The following PTPRD variants were observed in gnomAD, a reference collection of about 807,000 sequenced individuals.
PTPRD encodes protein tyrosine phosphatase receptor type D.
Under a neutral mutation model 214.5 loss-of-function variants are expected in PTPRD, and 34 were observed. The ratio of observed to expected loss-of-function variants is 0.16; its 90% CI spans 0.12 to 0.21. The LOEUF (loss-of-function observed/expected upper bound fraction) is 0.21. PTPRD is among the 10% of genes least tolerant of loss of function. The pLI is 1.00. For synonymous variants in PTPRD, 1,128 were observed against 845.7 expected, an observed-to-expected ratio of 1.33 and a Z score of -5.79; for missense variants, 2,545 against 2,398.7, an observed-to-expected ratio of 1.06 and a Z score of -1.27.
intron 44 of PTPRD, among the ~76,000 whole-genome samples, chr9:8,322,339 G>A (rs974639614): frequency 5.3e-5 from 8 of 152,214 alleles, no homozygotes; most frequent in African/African-American, 9.6e-5. Flanking sequence ...TAGGCCTCTC[G>A]CACCAAACAG....
At chr9:9,538,723 G>T (rs1351660606) in intron 8 of PTPRD, among the ~76,000 whole-genome samples, 1 of 151,832 alleles carries the variant, frequency 6.6e-6, no homozygotes, top group Non-Finnish European at 1.5e-5. Context: ...ATACGTCAAT[G>T]AATAGTTACC....
chr9:10,034,748 G>A (rs926572821), intron 3 of PTPRD, among the ~76,000 whole-genome samples: 4 of 152,074 alleles, frequency 2.6e-5, no homozygotes, highest in Non-Finnish European at 4.4e-5. Flanking sequence ...GTCCTGCACA[G>A]GAAATGATTT....
At chr9:10,038,680 T>C (rs2097236454) in intron 3 of PTPRD, among the ~76,000 whole-genome samples, 2 of 152,122 alleles carry the variant, frequency 1.3e-5, no homozygotes, top group East Asian at 3.9e-4. Flanking sequence ...ACTTCAACAT[T>C]ACACCTTGAA....
intron 8 of PTPRD, among the ~76,000 whole-genome samples, chr9:9,497,870 T>G (rs940889062): frequency 6.6e-6 from 1 of 152,162 alleles, no homozygotes; most frequent in Non-Finnish European, 1.5e-5. Flanking sequence ...AAATATTGAC[T>G]TCGATCTTCA....
chr9:9,591,915 C>T (rs184535327), intron 7 of PTPRD, among the ~76,000 whole-genome samples: 21 of 152,116 alleles, frequency 1.4e-4, no homozygotes, highest in Admixed American at 3.9e-4. Context: ...CTTATTCCTG[C>T]TATCTAATTG....
At chr9:9,808,950 A>ATTT (rs59065058) in intron 5 of PTPRD, among the ~76,000 whole-genome samples, 15 of 142,330 alleles carry the variant, frequency 1.1e-4, no homozygotes, top group African/African-American at 2.8e-4. Context: ...TTTATTTTGT[A>ATTT]TTTTTTTTTT....
At chr9:9,838,721 G>T (rs966262241) in intron 5 of PTPRD, among the ~76,000 whole-genome samples, 3 of 152,062 alleles carry the variant, frequency 2.0e-5, no homozygotes, top group African/African-American at 7.2e-5. Context: ...TAGGTTGCCT[G>T]TTCACTCTGA....
intron 4 of PTPRD, among the ~76,000 whole-genome samples, chr9:9,966,474 C>T (rs1163962415): frequency 6.6e-6 from 1 of 152,066 alleles, no homozygotes; most frequent in Non-Finnish European, 1.5e-5. Flanking sequence ...CATTGTAGAG[C>T]TAAGGGGTTT....
At chr9:8,412,769 C>A (rs1198751957) in intron 35 of PTPRD, among the ~76,000 whole-genome samples, 2 of 152,130 alleles carry the variant, frequency 1.3e-5, no homozygotes, top group South Asian at 2.1e-4. Context: ...ACAAATAAAT[C>A]TATTTCTGCT....
chr9:9,673,208 C>T (rs1488138239), intron 7 of PTPRD, among the ~76,000 whole-genome samples: 1 of 151,764 alleles, frequency 6.6e-6, no homozygotes, highest in Non-Finnish European at 1.5e-5. Flanking sequence ...TCCTAATAGC[C>T]CAATTGTTTA....
intron 3 of PTPRD, among the ~76,000 whole-genome samples, chr9:10,074,396 T>G (rs2098094161): frequency 6.6e-6 from 1 of 152,148 alleles, no homozygotes; most frequent in Non-Finnish European, 1.5e-5. Flanking sequence ...ATGGCTCTAT[T>G]CCAGTCCCTC....
chr9:9,417,587 T>C (rs2077369094), intron 8 of PTPRD, among the ~76,000 whole-genome samples: 1 of 151,994 alleles, frequency 6.6e-6, no homozygotes, highest in Non-Finnish European at 1.5e-5. Context: ...CTTAAAAAAA[T>C]TGAAAGAAAC....
chr9:8,734,461 T>A (rs1235515129), intron 11 of PTPRD, among the ~76,000 whole-genome samples: 1 of 152,222 alleles, frequency 6.6e-6, no homozygotes, highest in Non-Finnish European at 1.5e-5. Context: ...GAGGTTAGAA[T>A]TTTTTACACT....
At position 10,031,647 on chromosome 9, in the gene PTPRD, T is replaced by TATATATATATATATATACACACACACAC; in HGVS notation, c.-472+2070_-472+2071insGTGTGTGTGTGTATATATATATATATAT. ...CTCCATATATATATATATATATATATACACACACACACACACACATACACA... is the reference window on the plus strand; with the variant it reads ...CTCCATATATATATATATATATATATATATATATATATATATACACACACACACACACACACACACACACACATACACA... On this transcript the variant is annotated intron_variant, in intron 4 of 45. Transcript: ENST00000381196. Among the ~76,000 whole-genome samples the TATATATATATATATATACACACACACAC allele has an allele frequency of 2.0e-3, 181 of 89,448 alleles. 2 individuals carry two copies. Among genetic ancestry groups the TATATATATATATATATACACACACACAC allele is most frequent in the East Asian group, 8.1e-3 (17 of 2,110 alleles). 58.7% of individuals were successfully genotyped at this position (89,448 alleles called of 152,430 possible).
At chr9:8,952,479 G>T (rs959945109) in intron 11 of PTPRD, among the ~76,000 whole-genome samples, 5 of 151,922 alleles carry the variant, frequency 3.3e-5, no homozygotes, top group African/African-American at 1.2e-4. Context: ...ATGTTGGGCT[G>T]ATTTTAACAT....
At chr9:9,703,148 T>C (rs1212809476) in intron 7 of PTPRD, among the ~76,000 whole-genome samples, 2 of 152,146 alleles carry the variant, frequency 1.3e-5, no homozygotes, top group African/African-American at 4.8e-5. Context: ...TGAAATCTGA[T>C]GGTTTTATAC....
intron 3 of PTPRD, among the ~76,000 whole-genome samples, chr9:10,201,328 A>G (rs2154334042): frequency 6.6e-6 from 1 of 152,166 alleles, no homozygotes; most frequent in Admixed American, 6.6e-5. Flanking sequence ...CATTAGTTAT[A>G]ATGATAAAAA....
chr9:9,643,995 C>T (rs2096060933), intron 7 of PTPRD, among the ~76,000 whole-genome samples: 1 of 152,152 alleles, frequency 6.6e-6, no homozygotes, highest in Non-Finnish European at 1.5e-5. Flanking sequence ...ATGCTGCCAA[C>T]ATCATTAATT....
At chr9:9,912,695 C>T (rs908939592) in intron 5 of PTPRD, among the ~76,000 whole-genome samples, 11 of 152,274 alleles carry the variant, frequency 7.2e-5, no homozygotes, top group African/African-American at 2.6e-4. Flanking sequence ...TCCATAATTA[C>T]AATTACAACT....
Sources: gnomAD v4.1 joint callset for allele counts (sites outside exome capture counted in the v4.1 genomes callset) on GRCh38, gnomAD v4.1.1 for gene constraint, MANE v1.5 for transcripts, NCBI Gene and HGNC (gene_info 2026-07-23, HGNC 2026-07-21) for gene names.